Variants in ASIC2 observed in about 807,000 individuals in gnomAD.
ASIC2 encodes acid sensing ion channel subunit 2.
A neutral mutation model predicts 57.3 loss-of-function variants in ASIC2; 25 were observed. That is an observed-to-expected ratio of 0.44 (90% CI 0.32 to 0.61). ASIC2 has a LOEUF of 0.61. Ranked by LOEUF, ASIC2 falls within the 20% of genes least tolerant of loss-of-function variation. The probability of loss-of-function intolerance (pLI) is 0.06; values close to 1 mark genes in which losing one functional copy is unlikely to be tolerated. For missense variants in ASIC2, 641 were observed against 738.1 expected (o/e 0.87, Z 1.52); for synonymous variants, 319 against 307.5 (o/e 1.04, Z -0.39).
At chr17:33,166,436 T>G (rs569349331) in intron 1 of ASIC2, among the ~76,000 whole-genome samples, 6 of 152,328 alleles carry the variant, frequency 3.9e-5, no homozygotes, top group African/African-American at 1.4e-4. Context: ...TGGGACCAAG[T>G]ACTGGCAGGG....
At chr17:33,132,087 G>C (rs2092348372) in intron 1 of ASIC2, among the ~76,000 whole-genome samples, 1 of 152,118 alleles carries the variant, frequency 6.6e-6, no homozygotes, top group Non-Finnish European at 1.5e-5. Context: ...ACCTGCACTG[G>C]GTCTGCCTAG....
At chr17:33,490,757 G>T (rs1913730229) in intron 1 of ASIC2, among the ~76,000 whole-genome samples, 1 of 152,166 alleles carries the variant, frequency 6.6e-6, no homozygotes, top group East Asian at 1.9e-4. Context: ...TATTAGCAGT[G>T]TGAGAACAGA....
Position 34,108,733 on chromosome 17 carries a change from C to T in ASIC2, c.555+47245G>A, listed in dbSNP as rs7220142. 3.9e-3 allele frequency among the ~76,000 whole-genome samples: 589 copies of T among 152,126 alleles called. 3 individuals are homozygous for T. The highest frequency in any genetic ancestry group is 0.013 in the African/African-American group (546 of 41,530). ...CAATGACTAAGAAGAGTGTTAAAAT[C>T]AACTCTAATAGCAGATATGTCTATT... is the stretch of plus-strand genomic sequence containing the variant. On this transcript the variant is annotated intron_variant, in intron 1 of 9. Transcript: ENST00000359872.
chr17:33,994,394 C>G (rs1308461296), intron 1 of ASIC2, among the ~76,000 whole-genome samples: 1 of 152,140 alleles, frequency 6.6e-6, no homozygotes, highest in African/African-American at 2.4e-5. Context: ...TTGGACATGA[C>G]CAAAGTAGAC....
chr17:33,852,185 A>C, intron 1 of ASIC2, among the ~76,000 whole-genome samples: 1 of 152,236 alleles, frequency 6.6e-6, no homozygotes, highest in East Asian at 1.9e-4. Context: ...TTTTTTATTA[A>C]GGAGAACAAG....
At chr17:33,078,142 C>T (rs2092097347) in intron 3 of ASIC2, among the ~76,000 whole-genome samples, 1 of 152,078 alleles carries the variant, frequency 6.6e-6, no homozygotes, top group South Asian at 2.1e-4. Context: ...GTAGGTGAGT[C>T]CATAGACATT....
At chr17:33,278,489 GA>G (rs10566355) in intron 1 of ASIC2, among the ~76,000 whole-genome samples, 10,007 of 144,354 alleles carry the variant, frequency 0.069, 990 homozygotes, top group African/African-American at 0.22. Flanking sequence ...CCCTGTATCA[GA>G]AAAAAAAAAA....
intron 1 of ASIC2, chr17:33,932,741 A>AAATATATATATATATAT (rs1555572867): frequency 1.0e-4 from 6 of 58,712 alleles, no homozygotes; most frequent in Non-Finnish European, 1.2e-4. Context: ...AAAAAAAAAA[A>AAATATATATATATATAT]ATATATATAT....
intron 1 of ASIC2, among the ~76,000 whole-genome samples, chr17:33,280,212 C>T (rs1904884158): frequency 6.6e-6 from 1 of 152,152 alleles, no homozygotes; most frequent in South Asian, 2.1e-4. Flanking sequence ...AACACTCATC[C>T]CCGGCCGGAA....
At chr17:33,889,212 T>C (rs1428544499) in intron 1 of ASIC2, among the ~76,000 whole-genome samples, 1 of 152,154 alleles carries the variant, frequency 6.6e-6, no homozygotes, top group Non-Finnish European at 1.5e-5. Context: ...GAAGGCTCCT[T>C]GGAGAGCATC....
At chr17:33,921,356 G>A (rs1915705109) in intron 1 of ASIC2, among the ~76,000 whole-genome samples, 1 of 152,194 alleles carries the variant, frequency 6.6e-6, no homozygotes, top group South Asian at 2.1e-4. Flanking sequence ...GTTATTTACT[G>A]AATGATTAAA....
intron 1 of ASIC2, among the ~76,000 whole-genome samples, chr17:33,262,450 G>A (rs528678466): frequency 6.6e-6 from 1 of 151,796 alleles, no homozygotes; most frequent in Non-Finnish European, 1.5e-5. Context: ...AGGAAGGGAA[G>A]GAGGGAGGCA....
chr17:34,132,838 T>C (rs1912029804), intron 1 of ASIC2, among the ~76,000 whole-genome samples: 1 of 152,118 alleles, frequency 6.6e-6, no homozygotes, highest in South Asian at 2.1e-4. Context: ...AGGTAAAAAA[T>C]CAGGCCATAC....
chr17:33,040,574 G>A (rs2091925837), intron 3 of ASIC2, among the ~76,000 whole-genome samples: 1 of 152,216 alleles, frequency 6.6e-6, no homozygotes, highest in Non-Finnish European at 1.5e-5. Context: ...ACTCTCAGAT[G>A]ATTAGGGTGG....
intron 1 of ASIC2, among the ~76,000 whole-genome samples, chr17:33,120,322 G>A (rs556169386): frequency 1.1e-4 from 17 of 152,312 alleles, no homozygotes; most frequent in African/African-American, 3.6e-4. Context: ...TGTCCAGAGA[G>A]CTTCAGACCG....
At chr17:33,937,547 C>A (rs1195933763) in intron 1 of ASIC2, among the ~76,000 whole-genome samples, 2 of 152,028 alleles carry the variant, frequency 1.3e-5, no homozygotes, top group Non-Finnish European at 2.9e-5. Flanking sequence ...GCATGCCTTC[C>A]TTTTTCTATG....
chr17:33,597,035 T>C (rs952921991), intron 1 of ASIC2, among the ~76,000 whole-genome samples: 1 of 152,226 alleles, frequency 6.6e-6, no homozygotes, highest in African/African-American at 2.4e-5. Flanking sequence ...CTGATCTCAC[T>C]GCTGGCTAAC....
Position 33,820,325 on chromosome 17 carries a change from C to T in ASIC2, c.555+335653G>A, listed in dbSNP as rs529668662. On this transcript the variant is annotated intron_variant, in intron 1 of 9. Coordinates refer to the ASIC2 transcript ENST00000359872. ...ACTGAGATGAGCTGTAAGTATAATA[C>T]GCATGGCAGATTTGGCAGACTTACT... Among the ~76,000 whole-genome samples the T allele has an allele frequency of 9.9e-5, 15 of 152,136 alleles. 1 individual carries two copies. In the South Asian group the frequency reaches 2.3e-3, roughly 23 times the overall value.
intron 1 of ASIC2, among the ~76,000 whole-genome samples, chr17:33,986,419 C>T (rs185911123): frequency 2.0e-5 from 3 of 152,252 alleles, no homozygotes; most frequent in Non-Finnish European, 4.4e-5. Flanking sequence ...AGCATGACCA[C>T]TATTCCTAAA....
Sources: gnomAD v4.1 joint callset for allele counts (sites outside exome capture counted in the v4.1 genomes callset) on GRCh38, gnomAD v4.1.1 for gene constraint, MANE v1.5 for transcripts, NCBI Gene and HGNC (gene_info 2026-07-23, HGNC 2026-07-21) for gene names.